SEM1: variants seen among roughly 807,000 people sequenced by gnomAD.
SEM1 encodes the protein 26S proteasome complex subunit SEM1.
SEM1 carries 3 observed loss-of-function variants against 12.7 expected under a neutral mutation model. The ratio of observed to expected loss-of-function variants is 0.24; its 90% CI spans 0.11 to 0.61. The LOEUF (loss-of-function observed/expected upper bound fraction) is 0.61. Ranked by LOEUF, SEM1 falls within the 20% of genes least tolerant of loss-of-function variation. SEM1 has a pLI of 0.88. For synonymous variants in SEM1, 30 were observed against 27.8 expected (o/e 1.08, Z -0.25); for missense variants, 59 against 81.3 (o/e 0.73, Z 1.06).
chr7:96,522,675 C>T (rs553264883), intron 2 of SEM1, among the ~76,000 whole-genome samples: 35 of 150,642 alleles, frequency 2.3e-4, no homozygotes, highest in East Asian at 1.2e-3. Context: ...GTCGGGAGTT[C>T]GAGACCAGCC....
At chr7:96,577,393 TG>T (rs1338569981) in intron 2 of SEM1, among the ~76,000 whole-genome samples, 2 of 152,116 alleles carry the variant, frequency 1.3e-5, no homozygotes, top group Admixed American at 6.6e-5. Context: ...AGTGACTCTT[TG>T]GGTGAAAAGG....
intron 2 of SEM1, among the ~76,000 whole-genome samples, chr7:96,591,675 C>T (rs1427451663): frequency 6.6e-6 from 1 of 152,154 alleles, no homozygotes; most frequent in Non-Finnish European, 1.5e-5. Context: ...AGTCCTTAAA[C>T]AATTTATAGT....
intron 2 of SEM1, among the ~76,000 whole-genome samples, chr7:96,599,762 C>A (rs1404059353): frequency 1.3e-5 from 2 of 152,180 alleles, no homozygotes; most frequent in Non-Finnish European, 2.9e-5. Context: ...TATGTAGTCA[C>A]TAGAAAATAG....
At chr7:96,691,928 C>G (rs1789942662) in intron 2 of SEM1, among the ~76,000 whole-genome samples, 1 of 152,244 alleles carries the variant, frequency 6.6e-6, no homozygotes, top group South Asian at 2.1e-4. Flanking sequence ...AGAAAGAACT[C>G]ATGACTCAAA....
intron 2 of SEM1, among the ~76,000 whole-genome samples, chr7:96,661,543 G>C: frequency 6.6e-6 from 1 of 152,166 alleles, no homozygotes; most frequent in East Asian, 1.9e-4. Context: ...ACATTGTATT[G>C]ACTAGGGTAG....
intron 2 of SEM1, among the ~76,000 whole-genome samples, chr7:96,641,545 G>A (rs1054933760): frequency 6.6e-6 from 1 of 151,890 alleles, no homozygotes; most frequent in Non-Finnish European, 1.5e-5. Flanking sequence ...TTTAGAGAAG[G>A]TACATTTTGT....
At chr7:96,493,659 C>A (rs1803119667) in intron 1 of SEM1, among the ~76,000 whole-genome samples, 1 of 152,086 alleles carries the variant, frequency 6.6e-6, no homozygotes, top group Non-Finnish European at 1.5e-5. Context: ...TTCATCATGT[C>A]ACTCCCCACT....
chr7:96,697,072 A>G (rs1790120287), intron 1 of SEM1: 1 of 151,968 alleles, frequency 6.6e-6, no homozygotes, highest in Non-Finnish European at 1.5e-5. Flanking sequence ...CATACACTTT[A>G]CCTTAAACAC....
intron 2 of SEM1, among the ~76,000 whole-genome samples, chr7:96,534,148 G>T (rs1351585502): frequency 6.6e-6 from 1 of 151,956 alleles, no homozygotes. Context: ...TTATACTTAG[G>T]TGTTTGGCAG....
chr7:96,692,613 C>A (rs1369502983), intron 2 of SEM1, among the ~76,000 whole-genome samples: 2 of 152,070 alleles, frequency 1.3e-5, no homozygotes, highest in African/African-American at 4.8e-5. Context: ...TAGAATTAAT[C>A]TGATCCTCGA....
At chr7:96,578,817 G>A (rs942601461) in intron 2 of SEM1, among the ~76,000 whole-genome samples, 3 of 152,198 alleles carry the variant, frequency 2.0e-5, no homozygotes, top group Non-Finnish European at 4.4e-5. Flanking sequence ...CCCTTTGCTA[G>A]TATAGTTAGT....
In SEM1 at chr7:96,575,522, T is replaced by C. The variant is rs566179640; in HGVS notation, c.171-68824A>G. On this transcript the variant is annotated intron_variant and NMD_transcript_variant, in intron 2 of 3. Transcript: ENST00000466986. ...GCTGGGAGATCCACTGCTCTGTTTA[T>C]AGACAGCAGGCAGGAACATTTACGT... Among the ~76,000 whole-genome samples, 3 of 152,322 alleles carry C rather than the reference T, an allele frequency of 2.0e-5. No homozygotes were observed. The South Asian group carries it at 6.2e-4, about 32-fold the overall frequency.
At chr7:96,491,197 TAAA>T (rs373655302) in intron 1 of SEM1, among the ~76,000 whole-genome samples, 58 of 152,084 alleles carry the variant, frequency 3.8e-4, no homozygotes, top group Non-Finnish European at 7.4e-4. Context: ...TCCTTTTTGA[TAAA>T]AAAAATTCTT....
At chr7:96,515,696 A>G (rs1420295499) in intron 2 of SEM1, among the ~76,000 whole-genome samples, 1 of 152,230 alleles carries the variant, frequency 6.6e-6, no homozygotes, top group African/African-American at 2.4e-5. Context: ...CTATGCAGCC[A>G]TAAAAAAGGA....
At chr7:96,483,214 T>C (rs1480396777) in exon 4 of SEM1, 2 of 152,246 alleles carry the variant, frequency 1.3e-5, no homozygotes, top group Non-Finnish European at 2.9e-5. Flanking sequence ...AATAACTCCA[T>C]GAGAAAGGTC....
chr7:96,541,911 G>A (rs1164621104), intron 2 of SEM1, among the ~76,000 whole-genome samples: 4 of 146,868 alleles, frequency 2.7e-5, no homozygotes, highest in East Asian at 4.0e-4. Flanking sequence ...CTTTATTTCC[G>A]GGTTCTGTAT....
At chr7:96,497,737 C>A (rs1028225596), upstream of SEM1, among the ~76,000 whole-genome samples, 1 of 152,108 alleles carries the variant, frequency 6.6e-6, no homozygotes, top group African/African-American at 2.4e-5. Flanking sequence ...GAGCACAGGA[C>A]TCTCATCCCT....
At chr7:96,703,782 C>CA (rs1790347777) in intron 1 of SEM1, among the ~76,000 whole-genome samples, 1 of 151,856 alleles carries the variant, frequency 6.6e-6, no homozygotes, top group Non-Finnish European at 1.5e-5. Flanking sequence ...CAAATCTCCA[C>CA]AAAAAATTTG....
chr7:96,483,787 G>T, exon 4 of SEM1: 2 of 1,521,084 alleles, frequency 1.3e-6, no homozygotes, highest in Non-Finnish European at 1.8e-6. Flanking sequence ...GGGATATCTG[G>T]TATCAGCATG....
Sources: gnomAD v4.1 joint callset for allele counts (sites outside exome capture counted in the v4.1 genomes callset) on GRCh38, gnomAD v4.1.1 for gene constraint, MANE v1.5 for transcripts, NCBI Gene and HGNC (gene_info 2026-07-23, HGNC 2026-07-21) for gene names.